Variants in MTFR1 observed in about 807,000 individuals in gnomAD.
MTFR1 encodes the protein chondrocyte protein with a poly-proline region.
MTFR1 carries 28 observed loss-of-function variants against 38.8 expected under a neutral mutation model. The observed-to-expected ratio is 0.72, with a 90% CI of 0.53 to 0.99. MTFR1 has a LOEUF of 0.99. Among genes scored for constraint, MTFR1 ranks in the 50% least tolerant of loss-of-function variants. MTFR1 has a pLI of 0.00. For missense variants in MTFR1, 358 were observed against 395.5 expected (o/e 0.91, Z 0.81); for synonymous variants, 145 against 137.0 (o/e 1.06, Z -0.41).
chr8:65,716,164 C>A lies in MTFR1; in HGVS notation c.382-3216C>A, dbSNP rs374927876. Among the ~76,000 whole-genome samples the A allele has an allele frequency of 3.3e-3, 460 of 137,748 alleles. 1 individual carries two copies. Among genetic ancestry groups the A allele is most frequent in the African/African-American group, 9.4e-3 (350 of 37,266 alleles). The allele number at this position is 137,748 out of a possible 152,430, so 90.4% of individuals were successfully genotyped here. On this transcript the variant is annotated intron_variant, in intron 2 of 3. Coordinates refer to the MTFR1 transcript ENST00000521247. The stretch of plus-strand genomic sequence containing the variant: ...ACCCTGTCTCAAAAAAAAAAAAAAA[C>A]AAAAGGGCTATAGAAGGTGATTCCC...
chr8:65,715,173 C>A (rs1446444627), downstream of MTFR1, among the ~76,000 whole-genome samples: 2 of 152,010 alleles, frequency 1.3e-5, no homozygotes, highest in African/African-American at 2.4e-5. Context: ...AAAAAGTAAT[C>A]TTTTAAATAT....
At chr8:65,684,675 G>A (rs1050006851) in intron 3 of MTFR1, among the ~76,000 whole-genome samples, 10 of 151,548 alleles carry the variant, frequency 6.6e-5, no homozygotes, top group Admixed American at 2.0e-4. Context: ...GTGAGCCACC[G>A]CACCTGGCCC....
intron 3 of MTFR1, among the ~76,000 whole-genome samples, chr8:65,730,197 T>TTTTTTTTTTG (rs1806810961): frequency 8.4e-6 from 1 of 119,324 alleles, no homozygotes; most frequent in African/African-American, 3.5e-5. Flanking sequence ...TTTTTTTTTT[T>TTTTTTTTTTG]GAGATGGAGT....
intron 3 of MTFR1, among the ~76,000 whole-genome samples, chr8:65,739,225 T>G (rs1807292463): frequency 6.6e-6 from 1 of 152,236 alleles, no homozygotes; most frequent in Non-Finnish European, 1.5e-5. Flanking sequence ...CCGAGATGGG[T>G]CAGGCCTGGT....
downstream of MTFR1, among the ~76,000 whole-genome samples, chr8:65,713,443 C>CACACACACACACACACACACACAA (rs2129061267): frequency 2.6e-5 from 1 of 39,060 alleles, no homozygotes; most frequent in African/African-American, 7.6e-5. Flanking sequence ...ATCTCAAACA[C>CACACACACACACACACACACACAA]ACACACACAC....
At chr8:65,661,482 C>A (rs1277644590) in intron 1 of MTFR1, among the ~76,000 whole-genome samples, 1 of 151,714 alleles carries the variant, frequency 6.6e-6, no homozygotes, top group African/African-American at 2.4e-5. Flanking sequence ...ACTAAAAATA[C>A]AAAAATTAGC....
Position 65,710,073 on chromosome 8 carries a change from A to G in MTFR1, c.*1029A>G, listed in dbSNP as rs1805899975. On this transcript the variant is annotated 3_prime_UTR_variant, in exon 8 of 8. Coordinates refer to ENST00000262146, the MANE Select transcript of MTFR1 (RefSeq NM_014637.4). ...CATCTGGGGCTTTTAAGGACTTGCT[A>G]TAAATGATTATTTTTTAAATGCTTT... 6.6e-6 allele frequency: 1 copy of G among 152,218 alleles called. No homozygotes were observed. Among genetic ancestry groups the G allele is most frequent in the South Asian group, 2.1e-4 (1 of 4,828 alleles). The allele number at this position is 152,218 out of a possible 1,614,324, so 9.4% of individuals were successfully genotyped here.
chr8:65,756,215 A>G (rs1808233992), intron 3 of MTFR1, among the ~76,000 whole-genome samples: 1 of 152,220 alleles, frequency 6.6e-6, no homozygotes, highest in South Asian at 2.1e-4. Flanking sequence ...GGTTTCAACA[A>G]TTTGACTATA....
chr8:65,664,492 A>G (rs1804314276), intron 1 of MTFR1, among the ~76,000 whole-genome samples: 2 of 152,156 alleles, frequency 1.3e-5, no homozygotes, highest in South Asian at 2.1e-4. Flanking sequence ...TTTTCTGTCT[A>G]GATCTAGGTG....
intron 3 of MTFR1, among the ~76,000 whole-genome samples, chr8:65,747,218 G>C (rs1807712759): frequency 6.6e-6 from 1 of 152,162 alleles, no homozygotes; most frequent in Non-Finnish European, 1.5e-5. Context: ...AAAAGAGAGA[G>C]AGACCTAACT....
chr8:65,682,291 GCTTTGTCTTAACAGTTCTGTACAT>G, intron 2 of MTFR1, 38 bp from the exon 3 acceptor site: 2 of 765,422 alleles, frequency 2.6e-6, no homozygotes, highest in South Asian at 4.6e-5. Flanking sequence ...ATTGTCTAAT[GCTTTGTCTTAACAGTTCTGTACAT>G]CTTGTAATTA....
At chr8:65,733,552 C>T (rs1226749362) in intron 3 of MTFR1, among the ~76,000 whole-genome samples, 4 of 151,860 alleles carry the variant, frequency 2.6e-5, no homozygotes, top group Admixed American at 6.6e-5. Context: ...CCCAGGATGT[C>T]GAGGCTGCAG....
intron 3 of MTFR1, chr8:65,722,659 C>G (rs191526877): frequency 1.0e-4 from 16 of 152,394 alleles, no homozygotes; most frequent in Admixed American, 7.2e-4. Flanking sequence ...CCTGTGAACT[C>G]CTGCAACAAG....
chr8:65,757,045 A>G (rs570059922), intron 3 of MTFR1, among the ~76,000 whole-genome samples: 68 of 152,278 alleles, frequency 4.5e-4, no homozygotes, highest in African/African-American at 1.5e-3. Flanking sequence ...GTGTTCAGCT[A>G]TGTGGAGGCT....
At chr8:65,740,932 G>A (rs1222896891) in intron 3 of MTFR1, among the ~76,000 whole-genome samples, 1 of 152,092 alleles carries the variant, frequency 6.6e-6, no homozygotes, top group Non-Finnish European at 1.5e-5. Flanking sequence ...CCCCTACAGA[G>A]CCGAGTTTTT....
chr8:65,768,247 A>C (rs1243674468), intron 3 of MTFR1, among the ~76,000 whole-genome samples: 2 of 152,138 alleles, frequency 1.3e-5, no homozygotes, highest in Non-Finnish European at 2.9e-5. Context: ...AAAATATTCC[A>C]AATCTCTTAA....
At chr8:65,707,811 C>A in intron 6 of MTFR1, 32 bp from the exon 7 acceptor site, 1 of 1,606,400 alleles carries the variant, frequency 6.2e-7, no homozygotes. Flanking sequence ...GTGTATTGAT[C>A]TGTCCCCTTG....
intron 3 of MTFR1, among the ~76,000 whole-genome samples, chr8:65,738,063 T>C (rs1807228040): frequency 6.6e-6 from 1 of 152,182 alleles, no homozygotes; most frequent in South Asian, 2.1e-4. Flanking sequence ...AATATTGCAA[T>C]ATAGCAAGTC....
rs1295965698 is a variant in MTFR1 at position 65,730,171 on chromosome 8, C to CTTCTTTTTTTTTTTTTTTTTTTTTT, written c.*48+10692_*48+10693insCTTTTTTTTTTTTTTTTTTTTTTTT. Among the ~76,000 whole-genome samples, 4 of 86,446 alleles carry CTTCTTTTTTTTTTTTTTTTTTTTTT rather than the reference C, an allele frequency of 4.6e-5. 1 individual carries two copies. The highest frequency in any genetic ancestry group is 1.4e-4 in the African/African-American group (3 of 20,936). 56.7% of individuals were successfully genotyped at this position (86,446 alleles called of 152,430 possible). On this transcript the variant is annotated intron_variant, in intron 3 of 3. Coordinates refer to the MTFR1 transcript ENST00000521247. ...TGTGAGGGATCCAGGTTGCGCACTT[C>CTTCTTTTTTTTTTTTTTTTTTTTTT]TTTTTTTTTTTTTTTTTTTTTTTTT...
Sources: allele counts gnomAD v4.1 joint callset (sites outside exome capture counted in the v4.1 genomes callset), GRCh38; gene constraint gnomAD v4.1.1; transcripts MANE v1.5; gene names NCBI Gene and HGNC (gene_info 2026-07-23, HGNC 2026-07-21).